The following MCMDC2 variants were observed in gnomAD, a reference collection of about 807,000 sequenced individuals.
MCMDC2 encodes minichromosome maintenance domain-containing protein 2.
A neutral mutation model predicts 75.8 loss-of-function variants in MCMDC2; 54 were observed. The observed-to-expected ratio is 0.71, with a 90% CI of 0.57 to 0.89. MCMDC2 has a LOEUF of 0.89. Ranked by LOEUF, MCMDC2 falls within the 40% of genes least tolerant of loss-of-function variation. The probability of loss-of-function intolerance (pLI) is 0.00; values close to 1 mark genes in which losing one functional copy is unlikely to be tolerated. For synonymous variants in MCMDC2, 249 were observed against 274.6 expected (o/e 0.91, Z 0.92); for missense variants, 656 against 780.4 (o/e 0.84, Z 1.90).
chr8:66,904,955 G>A (rs965634014), intron 13 of MCMDC2, among the ~76,000 whole-genome samples: 4 of 152,060 alleles, frequency 2.6e-5, no homozygotes, highest in African/African-American at 7.2e-5. Context: ...TCCCAACTGT[G>A]TATTTATCTG....
chr8:66,879,136 G>A (rs1811439932), intron 7 of MCMDC2, among the ~76,000 whole-genome samples: 1 of 152,062 alleles, frequency 6.6e-6, no homozygotes, highest in Admixed American at 6.6e-5. Context: ...GGTGGCATGT[G>A]TCTGTAGTCC....
chr8:66,889,151 AC>A (rs1456282781), intron 9 of MCMDC2, among the ~76,000 whole-genome samples: 2 of 151,796 alleles, frequency 1.3e-5, no homozygotes, highest in Admixed American at 1.3e-4. Flanking sequence ...CTTTTGTATC[AC>A]CCCCTTTTGT....
intron 10 of MCMDC2, among the ~76,000 whole-genome samples, chr8:66,892,588 T>TA (rs1389698297): frequency 6.6e-6 from 1 of 152,178 alleles, no homozygotes; most frequent in African/African-American, 2.4e-5. Context: ...CTGGGGTTTT[T>TA]ATGGGCTAAG....
At position 66,896,930 on chromosome 8, in the gene MCMDC2, A is replaced by G. The variant is rs1812381865; in HGVS notation, c.1597A>G (p.Arg533Gly). The G allele has an allele frequency of 6.2e-7, 1 of 1,609,006 alleles. No homozygotes were observed. The highest frequency in any genetic ancestry group is 8.5e-7 in the Non-Finnish European group (1 of 1,177,818). Reference sequence around the variant, plus strand: ...TGAAGGGCTGTTTTATGCGGCTTCTAGACAGTTCACAACTGAAGATTTTGA... The same window carrying G: ...TGAAGGGCTGTTTTATGCGGCTTCTGGACAGTTCACAACTGAAGATTTTGA... ...NPEGLFYAAS[R>G]QFTTEDFEKL... The change falls in exon 12 of 15, where the codon AGA (arginine) becomes GGA (glycine). Residue 533 changes from arginine (R) to glycine (G), a missense_variant. Transcript: ENST00000422365.
chr8:66,921,287 A>G lies in MCMDC2; in HGVS notation c.*2118A>G, dbSNP rs1325305159. The G allele has an allele frequency of 6.6e-6, 1 of 152,178 alleles. No homozygotes were observed. Among genetic ancestry groups the G allele is most frequent in the East Asian group, 1.9e-4 (1 of 5,194 alleles). The allele number at this position is 152,178 out of a possible 1,614,324, so 9.4% of individuals were successfully genotyped here. A position where few individuals can be genotyped will look rare whatever the true frequency, so the allele number is the denominator to read the frequency against. On this transcript the variant is annotated 3_prime_UTR_variant, in exon 15 of 15. Transcript: ENST00000422365. ...GCAGGACGAAAAATTAATGGGTGCA[A>G]TGTACACCATTCAGGTAATGGCTGC...
intron 7 of MCMDC2, among the ~76,000 whole-genome samples, chr8:66,879,947 C>T (rs1406179625): frequency 6.6e-6 from 1 of 152,138 alleles, no homozygotes; most frequent in Non-Finnish European, 1.5e-5. Flanking sequence ...GATAAGTTAA[C>T]CCTTGCTCCT....
chr8:66,891,120 AT>A, intron 10 of MCMDC2, 50 bp downstream of exon 10: 3 of 1,435,198 alleles, frequency 2.1e-6, no homozygotes, highest in Non-Finnish European at 2.9e-6. Flanking sequence ...CTATACTCTC[AT>A]CCATGTTGAG....
chr8:66,891,981 C>T (rs113662837), intron 10 of MCMDC2, among the ~76,000 whole-genome samples: 3,117 of 152,296 alleles, frequency 0.02, 72 homozygotes, highest in South Asian at 0.045. Flanking sequence ...ATACCAGCAA[C>T]GGTGGAGCCC....
At position 66,920,472 on chromosome 8, in the gene MCMDC2, C is replaced by T. The variant is rs112019751; in HGVS notation, c.*1303C>T. ...CCGACCTCAGGTGATCTGCCTGCCT[C>T]AGTCTCCCAAAGTGCTAAGACAACA... On this transcript the variant is annotated 3_prime_UTR_variant, in exon 15 of 15. Coordinates refer to ENST00000422365, the MANE Select transcript of MCMDC2 (RefSeq NM_173518.5). 2,549 of 152,266 alleles carry T rather than the reference C, an allele frequency of 0.017. 31 individuals carry two copies. The highest frequency in any genetic ancestry group is 0.028 in the Non-Finnish European group (1,889 of 68,068). The allele number at this position is 152,266 out of a possible 1,614,324, so 9.4% of individuals were successfully genotyped here. A position where few individuals can be genotyped will look rare whatever the true frequency, so the allele number is the denominator to read the frequency against.
intron 11 of MCMDC2, 59 bp downstream of exon 11, chr8:66,896,395 T>C: frequency 2.8e-6 from 4 of 1,411,604 alleles, no homozygotes; most frequent in East Asian, 2.4e-5. Flanking sequence ...GTCATAAATT[T>C]TAATACATCT....
chr8:66,881,815 A>G (rs1480079629), intron 8 of MCMDC2, among the ~76,000 whole-genome samples: 1 of 152,260 alleles, frequency 6.6e-6, no homozygotes. Flanking sequence ...CAACTCCAAC[A>G]TGCGTTAGCA....
chr8:66,911,750 G>C (rs965607345), intron 14 of MCMDC2, among the ~76,000 whole-genome samples: 3 of 151,902 alleles, frequency 2.0e-5, no homozygotes, highest in Non-Finnish European at 2.9e-5. Context: ...TTGAACCTGG[G>C]AGTCGGGGGT....
At chr8:66,903,491 C>T (rs565151713) in intron 13 of MCMDC2, among the ~76,000 whole-genome samples, 1 of 152,278 alleles carries the variant, frequency 6.6e-6, no homozygotes, top group Non-Finnish European at 1.5e-5. Context: ...AAGAAATGGT[C>T]TATCAGTAGG....
At chr8:66,881,936 C>T (rs921149654) in intron 8 of MCMDC2, among the ~76,000 whole-genome samples, 3 of 152,004 alleles carry the variant, frequency 2.0e-5, no homozygotes, top group African/African-American at 7.3e-5. Flanking sequence ...TTTTGTAATC[C>T]GTATGTTCCC....
intron 14 of MCMDC2, among the ~76,000 whole-genome samples, chr8:66,917,513 C>T (rs1783844602): frequency 2.0e-5 from 3 of 152,174 alleles, no homozygotes; most frequent in African/African-American, 7.2e-5. Flanking sequence ...CCTTCGTCGC[C>T]AGAGCTTTTT....
chr8:66,880,479 C>T (rs754331088), intron 7 of MCMDC2, among the ~76,000 whole-genome samples: 3 of 152,172 alleles, frequency 2.0e-5, no homozygotes, highest in African/African-American at 7.2e-5. Flanking sequence ...TTATTTTCCT[C>T]TCAAATAAAA....
chr8:66,897,558 C>T (rs1812419680), intron 12 of MCMDC2, among the ~76,000 whole-genome samples: 1 of 152,064 alleles, frequency 6.6e-6, no homozygotes, highest in Non-Finnish European at 1.5e-5. Context: ...CTGAAAGAAT[C>T]TCAACGAAAG....
At chr8:66,908,992 C>G (rs1207719104) in intron 14 of MCMDC2, among the ~76,000 whole-genome samples, 1 of 152,158 alleles carries the variant, frequency 6.6e-6, no homozygotes, top group Non-Finnish European at 1.5e-5. Context: ...GAATTGAAAT[C>G]CCCATAATCC....
At chr8:66,918,203 GA>G (rs1813391661) in intron 14 of MCMDC2, among the ~76,000 whole-genome samples, 1 of 152,172 alleles carries the variant, frequency 6.6e-6, no homozygotes, top group East Asian at 1.9e-4. Context: ...TTTTTCTTTA[GA>G]GAAACGATAT....
Sources: allele counts gnomAD v4.1 joint callset (sites outside exome capture counted in the v4.1 genomes callset), GRCh38; gene constraint gnomAD v4.1.1; transcripts MANE v1.5; gene names NCBI Gene and HGNC (gene_info 2026-07-23, HGNC 2026-07-21).